The following SLC25A16 variants were observed in gnomAD, a reference collection of about 807,000 sequenced individuals.
The protein encoded by SLC25A16 is solute carrier family 25 member 16.
SLC25A16 carries 39 observed loss-of-function variants against 41.5 expected under a neutral mutation model. The observed-to-expected ratio is 0.94, with a 90% confidence interval of 0.73 to 1.23. SLC25A16 has a LOEUF of 1.23. Among genes scored for constraint, SLC25A16 ranks in the 50% most tolerant of loss-of-function variants. SLC25A16 has a pLI of 0.00. For synonymous variants in SLC25A16, 146 were observed against 147.8 expected (o/e 0.99, Z 0.09); for missense variants, 421 against 426.9 (o/e 0.99, Z 0.12).
Position 68,512,430 on chromosome 10 carries a change from G to A in SLC25A16, c.223+4321C>T, listed in dbSNP as rs2053080537. Among the ~76,000 whole-genome samples the A allele has an allele frequency of 4.4e-5, 4 of 91,482 alleles. No homozygotes were observed. In the South Asian group the frequency reaches 1.4e-3, roughly 31 times the overall value. 60.0% of individuals were successfully genotyped at this position (91,482 alleles called of 152,430 possible). ...AGGCGGGCGGATCACGAGGTCAGGAGATCGAGACCATCCCGGCTAAAACGG... is the reference window on the plus strand; with the variant it reads ...AGGCGGGCGGATCACGAGGTCAGGAAATCGAGACCATCCCGGCTAAAACGG... On this transcript the variant is annotated intron_variant, in intron 2 of 8. Coordinates refer to ENST00000609923, the MANE Select transcript of SLC25A16 (RefSeq NM_152707.4).
At chr10:68,494,537 C>CAGAG (rs920080773) in intron 4 of SLC25A16, among the ~76,000 whole-genome samples, 5 of 141,734 alleles carry the variant, frequency 3.5e-5, no homozygotes, top group South Asian at 2.3e-4. Flanking sequence ...GAGAGAGAGA[C>CAGAG]AGAGAGAGAG....
chr10:68,485,252 G>A (rs182274233), intron 8 of SLC25A16, among the ~76,000 whole-genome samples: 165 of 152,076 alleles, frequency 1.1e-3, no homozygotes, highest in African/African-American at 3.9e-3. Context: ...GCCACACCCA[G>A]CTAATTTTTT....
chr10:68,524,263 C>T (rs562343084), intron 1 of SLC25A16, among the ~76,000 whole-genome samples: 10 of 135,518 alleles, frequency 7.4e-5, no homozygotes, highest in South Asian at 2.4e-4. Context: ...TGCAGTGAGC[C>T]GAGAGCACGC....
At chr10:68,502,017 C>G (rs2052854993) in intron 4 of SLC25A16, among the ~76,000 whole-genome samples, 1 of 151,938 alleles carries the variant, frequency 6.6e-6, no homozygotes. Context: ...GCCAATGTGG[C>G]AATACCCCAT....
chr10:68,511,859 A>AT (rs1457345965), intron 2 of SLC25A16, among the ~76,000 whole-genome samples: 1 of 151,348 alleles, frequency 6.6e-6, no homozygotes, highest in African/African-American at 2.4e-5. Flanking sequence ...ACATGCATTT[A>AT]ATTTTTTTTT....
intron 5 of SLC25A16, 26 bp from the exon 6 acceptor site, chr10:68,493,224 T>A: frequency 6.8e-7 from 1 of 1,476,922 alleles, no homozygotes; most frequent in Non-Finnish European, 9.3e-7. Flanking sequence ...AAATTGCAAG[T>A]GAGATTACAT....
In SLC25A16 at chr10:68,503,707, G is replaced by C; in HGVS notation, c.358-12C>G. 1 of 1,547,984 alleles carries C rather than the reference G, an allele frequency of 6.5e-7. No individual in the cohort carries two copies. The highest frequency in any genetic ancestry group is 8.9e-7 in the Non-Finnish European group (1 of 1,124,162). ...TTCGTAGTAATTAACTAGAAAACAA[G>C]AACACTGAATTAAATGAGATATTTT... On this transcript the variant is annotated splice_polypyrimidine_tract_variant and intron_variant, in intron 3 of 8. Transcript: ENST00000609923.
rs760196690 is a variant in SLC25A16, at chr10:68,488,637, A to C, written c.611-8T>G. 1.1e-5 allele frequency: 17 copies of C among 1,609,902 alleles called. No homozygotes were observed. The Admixed American group carries it at 2.9e-4, about 27-fold the overall frequency. ...AAGTAAAAAATGAAACACCTGAAAA[A>C]CAAAAAATAAATTCACCATGATGCT... On this transcript the variant is annotated splice_region_variant and splice_polypyrimidine_tract_variant and intron_variant, in intron 6 of 8. Coordinates refer to ENST00000609923, the MANE Select transcript of SLC25A16 (RefSeq NM_152707.4).
At chr10:68,511,164 C>A (rs2053056851) in intron 2 of SLC25A16, among the ~76,000 whole-genome samples, 1 of 152,086 alleles carries the variant, frequency 6.6e-6, no homozygotes, top group Admixed American at 6.6e-5. Flanking sequence ...GGCCTTGAAC[C>A]TGGGAGGCGG....
At chr10:68,487,554 A>G (rs557836287) in intron 7 of SLC25A16, among the ~76,000 whole-genome samples, 85 of 152,248 alleles carry the variant, frequency 5.6e-4, no homozygotes, top group African/African-American at 1.9e-3. Flanking sequence ...GGCACTACTG[A>G]CATTTTCGGT....
chr10:68,507,656 TTATTACTC>T (rs1165244557), intron 2 of SLC25A16, among the ~76,000 whole-genome samples: 1 of 152,122 alleles, frequency 6.6e-6, no homozygotes, highest in African/African-American at 2.4e-5. Context: ...AGTGATATCT[TTATTACTC>T]TATTAACATC....
intron 1 of SLC25A16, among the ~76,000 whole-genome samples, chr10:68,521,582 CTTTTTTT>C (rs757080265): frequency 9.1e-6 from 1 of 110,304 alleles, no homozygotes; most frequent in African/African-American, 3.5e-5. Flanking sequence ...TGCCTGTAAT[CTTTTTTT>C]TTTTTTTTTT....
intron 6 of SLC25A16, among the ~76,000 whole-genome samples, chr10:68,490,691 A>C (rs1412841917): frequency 6.6e-6 from 1 of 151,924 alleles, no homozygotes; most frequent in African/African-American, 2.4e-5. Context: ...TGAAGGGGAA[A>C]AAAAAAAACT....
chr10:68,489,609 G>A (rs978935327), intron 6 of SLC25A16, among the ~76,000 whole-genome samples: 9 of 151,790 alleles, frequency 5.9e-5, no homozygotes, highest in African/African-American at 1.9e-4. Context: ...ATATTGTGAT[G>A]TTTATTGAAT....
At chr10:68,516,687 C>A in intron 2 of SLC25A16, 64 bp downstream of exon 2, 1 of 1,173,088 alleles carries the variant, frequency 8.5e-7, no homozygotes, top group South Asian at 1.5e-5. Context: ...AACTTAAATT[C>A]CCTTTTTTGC....
intron 3 of SLC25A16, among the ~76,000 whole-genome samples, chr10:68,504,021 T>C (rs1297384765): frequency 8.4e-6 from 1 of 119,582 alleles, no homozygotes; most frequent in Non-Finnish European, 1.8e-5. Flanking sequence ...CTGCTACTTT[T>C]TTTTTTTTTT....
rs1412923207 is a variant in SLC25A16, at chr10:68,481,747, G to A, written c.*1685C>T. 1 of 151,966 alleles carries A rather than the reference G, an allele frequency of 6.6e-6. No homozygotes were observed. Among genetic ancestry groups the A allele is most frequent in the African/African-American group, 2.4e-5 (1 of 41,360 alleles). 9.4% of individuals were successfully genotyped at this position (151,966 alleles called of 1,614,324 possible). ...TCATGTCTCAGCCTCGCGAGTAACT[G>A]GGACTACAGGCACGAGCCACCACAC... On this transcript the variant is annotated 3_prime_UTR_variant, in exon 9 of 9. Transcript: ENST00000609923.
intron 4 of SLC25A16, among the ~76,000 whole-genome samples, chr10:68,500,453 G>A (rs553967625): frequency 1.4e-4 from 21 of 152,010 alleles, no homozygotes; most frequent in South Asian, 8.3e-4. Flanking sequence ...GATTACAGGC[G>A]CCAACCACCA....
intron 7 of SLC25A16, among the ~76,000 whole-genome samples, chr10:68,487,749 C>T (rs2052587880): frequency 6.6e-6 from 1 of 152,212 alleles, no homozygotes; most frequent in Non-Finnish European, 1.5e-5. Context: ...TAATGCTATG[C>T]AGCAAGTCCC....
Sources: allele counts gnomAD v4.1 joint callset (sites outside exome capture counted in the v4.1 genomes callset), GRCh38; gene constraint gnomAD v4.1.1; transcripts MANE v1.5; gene names NCBI Gene and HGNC (gene_info 2026-07-23, HGNC 2026-07-21).